Variants in TRPM3 observed in about 807,000 individuals in gnomAD.
The protein encoded by TRPM3 is transient receptor potential cation channel subfamily M member 3.
TRPM3 carries 77 observed loss-of-function variants against 181.2 expected under a neutral mutation model. The observed-to-expected ratio is 0.42, with a 90% CI of 0.35 to 0.51. The LOEUF (loss-of-function observed/expected upper bound fraction) is 0.51. Ranked by LOEUF, TRPM3 falls within the 20% of genes least tolerant of loss-of-function variation. TRPM3 has a pLI of 0.01. For synonymous variants in TRPM3, 745 were observed against 796.4 expected, an observed-to-expected ratio of 0.94 and a Z score of 1.09; for missense variants, 1,759 against 2,196.7, an observed-to-expected ratio of 0.80 and a Z score of 3.98.
rs1200378801 is a variant in TRPM3 at position 71,440,697 on chromosome 9, CCAGTACTTACCAT to C, written c.183+5943_183+5955del. On this transcript the variant is annotated intron_variant, in intron 1 of 24. Coordinates refer to the TRPM3 transcript ENST00000357533. ...CTATCAGCTCTATTAGAGAGGCTGTCCAGTACTTACCATGGTGCCTAACACTTCTTAAGTGTTC... is the reference window on the plus strand; with the variant it reads ...CTATCAGCTCTATTAGAGAGGCTGTCGGTGCCTAACACTTCTTAAGTGTTC... 2.0e-5 allele frequency among the ~76,000 whole-genome samples: 3 copies of C among 152,204 alleles called. No individual in the cohort carries two copies. In the East Asian group the frequency reaches 5.8e-4, roughly 29 times the overall value.
intron 7 of TRPM3, among the ~76,000 whole-genome samples, chr9:70,772,412 G>C (rs961557755): frequency 6.6e-6 from 1 of 151,812 alleles, no homozygotes; most frequent in African/African-American, 2.4e-5. Context: ...CAACCTCCTG[G>C]GCTCAGGTGA....
intron 1 of TRPM3, among the ~76,000 whole-genome samples, chr9:70,947,064 T>C (rs537098696): frequency 2.1e-4 from 32 of 152,336 alleles, no homozygotes; most frequent in African/African-American, 7.5e-4. Flanking sequence ...TATACGCATT[T>C]TATTTGGCAT....
rs563130616 is a variant in TRPM3, at chr9:70,614,026, G to A, written c.2526+1882C>T. Reference sequence around the variant, plus strand: ...TTTCTGCTACATGGTGGACCAAATCGGCTGAGTGGCCACACTTGAGACTAG... The same window carrying A: ...TTTCTGCTACATGGTGGACCAAATCAGCTGAGTGGCCACACTTGAGACTAG... On this transcript the variant is annotated intron_variant, in intron 18 of 25. Coordinates refer to ENST00000677713, the MANE Select transcript of TRPM3 (RefSeq NM_001366145.2). Among the ~76,000 whole-genome samples the A allele has an allele frequency of 2.8e-3, 424 of 152,214 alleles. 1 individual carries two copies. The highest frequency in any genetic ancestry group is 9.9e-3 in the African/African-American group (413 of 41,530).
At chr9:70,692,700 C>T (rs760689042) in intron 8 of TRPM3, among the ~76,000 whole-genome samples, 1 of 152,212 alleles carries the variant, frequency 6.6e-6, no homozygotes, top group Non-Finnish European at 1.5e-5. Context: ...GCTCTCGCTT[C>T]TTGGAAAAGG....
At chr9:71,105,560 T>G (rs1370801554) in intron 1 of TRPM3, among the ~76,000 whole-genome samples, 3 of 151,978 alleles carry the variant, frequency 2.0e-5, no homozygotes, top group African/African-American at 7.3e-5. Context: ...TATGGGGTGG[T>G]CCCTAGTTGC....
At chr9:71,250,686 C>T (rs563077995) in intron 1 of TRPM3, among the ~76,000 whole-genome samples, 96 of 152,188 alleles carry the variant, frequency 6.3e-4, no homozygotes, top group Non-Finnish European at 1.1e-3. Context: ...GACACTGAAC[C>T]TTTGATGTGA....
At chr9:70,929,774 T>C (rs945045255) in intron 1 of TRPM3, among the ~76,000 whole-genome samples, 1 of 152,184 alleles carries the variant, frequency 6.6e-6, no homozygotes, top group Non-Finnish European at 1.5e-5. Flanking sequence ...CTTGAACATA[T>C]TTAAAAAGGT....
chr9:70,889,445 C>T (rs999427962), intron 1 of TRPM3, among the ~76,000 whole-genome samples: 3 of 152,150 alleles, frequency 2.0e-5, no homozygotes, highest in East Asian at 1.9e-4. Context: ...TTACCTCTGT[C>T]GGCCACTAGA....
intron 1 of TRPM3, among the ~76,000 whole-genome samples, chr9:71,142,487 T>C (rs1235493561): frequency 2.6e-5 from 4 of 152,084 alleles, no homozygotes; most frequent in Admixed American, 2.0e-4. Flanking sequence ...TTTTCATATA[T>C]ACATATATAT....
At chr9:71,093,327 T>C (rs2066537488) in intron 1 of TRPM3, among the ~76,000 whole-genome samples, 1 of 151,872 alleles carries the variant, frequency 6.6e-6, no homozygotes. Flanking sequence ...ATTTTTACAA[T>C]CTACCCATTA....
At chr9:71,139,042 C>T (rs1444030030) in intron 1 of TRPM3, among the ~76,000 whole-genome samples, 1 of 152,096 alleles carries the variant, frequency 6.6e-6, no homozygotes, top group Non-Finnish European at 1.5e-5. Context: ...GACCTTCATC[C>T]TTCTCTCCTC....
chr9:70,790,109 G>A (rs1409986851), intron 6 of TRPM3, among the ~76,000 whole-genome samples: 1 of 152,132 alleles, frequency 6.6e-6, no homozygotes, highest in Non-Finnish European at 1.5e-5. Flanking sequence ...TAAAATGCCT[G>A]GGTAAAATTT....
intron 1 of TRPM3, among the ~76,000 whole-genome samples, chr9:71,445,114 C>A (rs778685724): frequency 3.9e-5 from 6 of 152,096 alleles, no homozygotes; most frequent in Non-Finnish European, 2.9e-5. Flanking sequence ...AGGTAACAAA[C>A]CTGCAATCAT....
Position 71,086,420 on chromosome 9 carries a change from A to G in TRPM3, c.177+34758T>C, listed in dbSNP as rs1459490259. Among the ~76,000 whole-genome samples the G allele has an allele frequency of 2.6e-5, 4 of 152,012 alleles. No individual in the cohort carries two copies. In the East Asian group the frequency reaches 7.7e-4, roughly 29 times the overall value. On this transcript the variant is annotated intron_variant, in intron 1 of 25. Transcript: ENST00000677713. The stretch of plus-strand genomic sequence containing the variant: ...TCTCAGCAACCTTAAAAAATGAGGT[A>G]TAAGTCTAGATTATCATAATGGACC...
At chr9:70,636,480 C>T (rs1221364553) in intron 11 of TRPM3, among the ~76,000 whole-genome samples, 1 of 152,190 alleles carries the variant, frequency 6.6e-6, no homozygotes, top group East Asian at 1.9e-4. Flanking sequence ...TATTGTCTTT[C>T]AGGAATAGGA....
At chr9:71,286,479 C>T (rs1198853964) in intron 1 of TRPM3, among the ~76,000 whole-genome samples, 1 of 152,080 alleles carries the variant, frequency 6.6e-6, no homozygotes, top group African/African-American at 2.4e-5. Flanking sequence ...CATCACTAAC[C>T]AAACTAGCTT....
chr9:70,626,793 G>C (rs2064711453), intron 12 of TRPM3, among the ~76,000 whole-genome samples: 1 of 152,124 alleles, frequency 6.6e-6, no homozygotes, highest in South Asian at 2.1e-4. Flanking sequence ...CCTGAGGGTA[G>C]GTTTTCAGTT....
chr9:71,096,097 A>G (rs974284330), intron 1 of TRPM3, among the ~76,000 whole-genome samples: 3 of 152,046 alleles, frequency 2.0e-5, no homozygotes, highest in African/African-American at 7.2e-5. Context: ...TTGTTTCTGG[A>G]GGACGAAGTA....
chr9:71,236,127 C>T (rs370050294), intron 1 of TRPM3, among the ~76,000 whole-genome samples: 20 of 152,266 alleles, frequency 1.3e-4, no homozygotes, highest in South Asian at 1.0e-3. Flanking sequence ...GCCAGGGATA[C>T]GTAAATTAAC....
Sources: gnomAD v4.1 joint callset for allele counts (sites outside exome capture counted in the v4.1 genomes callset) on GRCh38, gnomAD v4.1.1 for gene constraint, MANE v1.5 for transcripts, NCBI Gene and HGNC (gene_info 2026-07-23, HGNC 2026-07-21) for gene names.